The following ZCCHC4 variants were observed in gnomAD, a reference collection of about 807,000 sequenced individuals.
The protein encoded by ZCCHC4 is zinc finger CCHC-type containing 4, also known as rRNA N(6)-adenosine-methyltransferase ZCCHC4.
In ZCCHC4, 54 loss-of-function variants were observed where a neutral mutation model predicts 67.7. That is an observed-to-expected ratio of 0.80 (90% confidence interval 0.64 to 1.00). ZCCHC4 has a LOEUF of 1.00. ZCCHC4 is among the 50% of genes least tolerant of loss of function. The pLI is 0.00. For missense variants in ZCCHC4, 609 were observed against 617.0 expected, an observed-to-expected ratio of 0.99 and a Z score of 0.14; for synonymous variants, 198 against 213.5, an observed-to-expected ratio of 0.93 and a Z score of 0.63.
At chr4:25,352,731 AAG>A (rs1166454959) in intron 8 of ZCCHC4, among the ~76,000 whole-genome samples, 4 of 152,182 alleles carry the variant, frequency 2.6e-5, no homozygotes, top group African/African-American at 4.8e-5. Flanking sequence ...CTCTTTTTGT[AAG>A]AGTTTTCTAT....
chr4:25,324,259 C>G (rs1718745367), intron 3 of ZCCHC4, among the ~76,000 whole-genome samples: 2 of 151,808 alleles, frequency 1.3e-5, no homozygotes, highest in Non-Finnish European at 2.9e-5. Context: ...TCATGATCTG[C>G]CTGCCTTGGC....
chr4:25,348,343 G>A (rs199922380), intron 6 of ZCCHC4, among the ~76,000 whole-genome samples: 1 of 152,132 alleles, frequency 6.6e-6, no homozygotes, highest in African/African-American at 2.4e-5. Context: ...ATATAGGCTT[G>A]TTAAAGTTTA....
intron 5 of ZCCHC4, among the ~76,000 whole-genome samples, chr4:25,340,272 A>G (rs1462411841): frequency 1.3e-5 from 2 of 152,080 alleles, no homozygotes; most frequent in Non-Finnish European, 2.9e-5. Flanking sequence ...TTCCCATTGA[A>G]TTGTCTTGGT....
At chr4:25,313,776 G>T (rs1718088565) in intron 1 of ZCCHC4, among the ~76,000 whole-genome samples, 2 of 152,062 alleles carry the variant, frequency 1.3e-5, no homozygotes, top group Non-Finnish European at 2.9e-5. Flanking sequence ...TGAGGCGGGA[G>T]AATCGCTTGA....
intron 3 of ZCCHC4, among the ~76,000 whole-genome samples, chr4:25,324,170 G>A (rs1387566079): frequency 1.3e-5 from 1 of 78,510 alleles, no homozygotes; most frequent in Non-Finnish European, 2.5e-5. Context: ...CACCATGCCT[G>A]GCTAATTTTT....
chr4:25,313,125 C>T (rs1262708574), intron 1 of ZCCHC4, among the ~76,000 whole-genome samples, 189 bp downstream of exon 1: 1 of 152,230 alleles, frequency 6.6e-6, no homozygotes, highest in African/African-American at 2.4e-5. Flanking sequence ...CAAGTCTCCA[C>T]TCTTGTGGTT....
At chr4:25,317,721 AAAAAAG>A (rs1718337933) in intron 3 of ZCCHC4, among the ~76,000 whole-genome samples, 1 of 148,188 alleles carries the variant, frequency 6.7e-6, no homozygotes, top group African/African-American at 2.5e-5. Context: ...AAAAAAAAAA[AAAAAAG>A]AAAGAAAAGA....
rs752050691 is a variant in ZCCHC4 at position 25,314,030 on chromosome 4, T to TTTTC, written c.128-16_128-15insTTTC. On this transcript the variant is annotated splice_polypyrimidine_tract_variant and intron_variant, in intron 1 of 12. Coordinates refer to ENST00000302874, the MANE Select transcript of ZCCHC4 (RefSeq NM_024936.3). ...TTACTTGACACTTTTTTTTTTTTTT[T>TTTTC]CTATTCTGGAACTAGGACCCACTCT... The TTTTC allele has an allele frequency of 6.8e-7, 1 of 1,474,426 alleles. No individual in the cohort carries two copies. The highest frequency in any genetic ancestry group is 9.2e-7 in the Non-Finnish European group (1 of 1,084,564). The allele number at this position is 1,474,426 out of a possible 1,614,324, so 91.3% of individuals were successfully genotyped here. A position where few individuals can be genotyped will look rare whatever the true frequency, so the allele number is the denominator to read the frequency against.
intron 5 of ZCCHC4, among the ~76,000 whole-genome samples, chr4:25,337,963 A>G (rs138948421): frequency 1.3e-4 from 20 of 152,342 alleles, no homozygotes; most frequent in African/African-American, 4.6e-4. Flanking sequence ...GTTTTTAAAA[A>G]AGGAAAAATG....
chr4:25,319,097 G>GT (rs1349446019), intron 3 of ZCCHC4, among the ~76,000 whole-genome samples: 3 of 152,206 alleles, frequency 2.0e-5, no homozygotes, highest in African/African-American at 7.2e-5. Flanking sequence ...AAAAGGCTAA[G>GT]TGCTGGCCGG....
chr4:25,315,398 A>G lies in ZCCHC4; in HGVS notation c.327A>G (p.Glu109=). 2.5e-6 allele frequency: 4 copies of G among 1,608,258 alleles called. No individual in the cohort carries two copies. Among genetic ancestry groups the G allele is most frequent in the Non-Finnish European group, 2.5e-6 (3 of 1,177,390 alleles). The change falls in exon 3 of 13, where the codon GAA becomes GAG. Residue 109 remains glutamate (E), a splice_region_variant and synonymous_variant. Transcript: ENST00000302874. ...QPPLSRTQCV[E]RYLKFIELPL... is the part of the protein sequence containing the mutation. ...CCCTGTCCCGAACGCAGTGTGTGGA[A>G]AGGTACTGATGCAGTGTCATTTTTC...
At chr4:25,324,014 G>GTTTTTTTTTGTTTTTTTTTTTTTTTTT (rs1718724715) in intron 3 of ZCCHC4, among the ~76,000 whole-genome samples, 1 of 82,446 alleles carries the variant, frequency 1.2e-5, no homozygotes, top group Non-Finnish European at 2.1e-5. Flanking sequence ...TGTTTTTTGT[G>GTTTTTTTTTGTTTTTTTTTTTTTTTTT]TTTTTTTTTT....
At position 25,354,605 on chromosome 4, in the gene ZCCHC4, A is replaced by G. The variant is rs372868647; in HGVS notation, c.1011+2916A>G. On this transcript the variant is annotated intron_variant, in intron 8 of 12. Coordinates refer to ENST00000302874, the MANE Select transcript of ZCCHC4 (RefSeq NM_024936.3). ...ATTTTTTGAAAATTTCTCTGGACCT[A>G]TTATTCCTTTCTGAGCATTTTGCTT... Among the ~76,000 whole-genome samples, 40 of 152,116 alleles carry G rather than the reference A, an allele frequency of 2.6e-4. No individual in the cohort carries two copies. The South Asian group carries it at 7.7e-3, about 29-fold the overall frequency.
In ZCCHC4 at chr4:25,359,576, G is replaced by A. The variant is rs915997511; in HGVS notation, c.1012-2283G>A. Reference sequence around the variant, plus strand: ...CAAAGAAGGGAAAGATGCCCCACCTGCAGGGGTGCCCCCAATGGGAGAAAA... The same window carrying A: ...CAAAGAAGGGAAAGATGCCCCACCTACAGGGGTGCCCCCAATGGGAGAAAA... On this transcript the variant is annotated intron_variant, in intron 8 of 12. Transcript: ENST00000302874. The surrounding 1 kb of genome is among the most constrained non-coding windows in gnomAD (Gnocchi z 4.9). Among the ~76,000 whole-genome samples the A allele has an allele frequency of 3.3e-5, 5 of 152,206 alleles. No individual in the cohort carries two copies. Among genetic ancestry groups the A allele is most frequent in the Admixed American group, 3.3e-4 (5 of 15,284 alleles).
chr4:25,345,691 T>C (rs185568255), intron 6 of ZCCHC4, 71 bp downstream of exon 6: 1 of 1,024,006 alleles, frequency 9.8e-7, no homozygotes, highest in African/African-American at 1.6e-5. Flanking sequence ...CCTCCTTTGT[T>C]CTTTTTCTAA....
chr4:25,327,212 C>T (rs1718927234), intron 3 of ZCCHC4, among the ~76,000 whole-genome samples: 1 of 152,076 alleles, frequency 6.6e-6, no homozygotes, highest in Non-Finnish European at 1.5e-5. Context: ...GGCTAGAAAC[C>T]CTTAGTCAAT....
At chr4:25,363,640 A>G (rs1317547638) in intron 10 of ZCCHC4, among the ~76,000 whole-genome samples, 1 of 152,238 alleles carries the variant, frequency 6.6e-6, no homozygotes, top group Non-Finnish European at 1.5e-5. Flanking sequence ...ATTACTGGTT[A>G]TACTTGTTTT....
In ZCCHC4 at chr4:25,370,277, G is replaced by A. The variant is rs1429946044; in HGVS notation, c.*1113G>A. On this transcript the variant is annotated 3_prime_UTR_variant, in exon 13 of 13. Coordinates refer to ENST00000302874, the MANE Select transcript of ZCCHC4 (RefSeq NM_024936.3). ...TTTCCTGGCTGTATGATCTTGGCCA[G>A]GTCACTCTCTAAAAGCCCCGGTTTC... 6.6e-6 allele frequency: 1 copy of A among 152,096 alleles called. No individual in the cohort carries two copies. Among genetic ancestry groups the A allele is most frequent in the African/African-American group, 2.4e-5 (1 of 41,412 alleles). 9.4% of individuals were successfully genotyped at this position (152,096 alleles called of 1,614,324 possible).
Position 25,369,181 on chromosome 4 carries a change from G to A in ZCCHC4, c.*17G>A, listed in dbSNP as rs113652722. 2.0e-3 allele frequency: 3,142 copies of A among 1,604,828 alleles called. 10 individuals are homozygous for A. The highest frequency in any genetic ancestry group is 2.5e-3 in the Non-Finnish European group (2,965 of 1,178,040). Reference sequence around the variant, plus strand: ...GGCTCTTAAATGTCCAGTGACTGGAGAATAAGAAAGATTTATGGTCCAACC... The same window carrying A: ...GGCTCTTAAATGTCCAGTGACTGGAAAATAAGAAAGATTTATGGTCCAACC... On this transcript the variant is annotated 3_prime_UTR_variant, in exon 13 of 13. Transcript: ENST00000302874.
Sources: gnomAD v4.1 joint callset for allele counts (sites outside exome capture counted in the v4.1 genomes callset) on GRCh38, gnomAD v4.1.1 for gene constraint, Gnocchi (gnomAD v3.1) non-coding constraint, MANE v1.5 for transcripts, NCBI Gene and HGNC (gene_info 2026-07-23, HGNC 2026-07-21) for gene names.